The following CYBRD1 variants were observed in gnomAD, a reference collection of about 807,000 sequenced individuals.
CYBRD1 encodes the protein cytochrome b reductase 1.
A neutral mutation model predicts 21.9 loss-of-function variants in CYBRD1; 14 were observed. The ratio of observed to expected loss-of-function variants is 0.64; its 90% CI spans 0.42 to 1.00. CYBRD1 has a LOEUF of 1.00. Ranked by LOEUF, CYBRD1 falls within the 50% of genes least tolerant of loss-of-function variation. CYBRD1 has a pLI of 0.00. For synonymous variants in CYBRD1, 146 were observed against 136.5 expected (o/e 1.07, Z -0.48); for missense variants, 328 against 352.5 (o/e 0.93, Z 0.56).
chr2:171,526,431 C>A (rs891137307), intron 1 of CYBRD1, among the ~76,000 whole-genome samples: 3 of 151,298 alleles, frequency 2.0e-5, no homozygotes, highest in African/African-American at 4.9e-5. Flanking sequence ...CCCTCTCTCT[C>A]CCCTCCTTTC....
intron 2 of CYBRD1, among the ~76,000 whole-genome samples, chr2:171,542,822 A>G (rs2105340302): frequency 1.3e-5 from 2 of 152,312 alleles, no homozygotes; most frequent in East Asian, 3.9e-4. Flanking sequence ...CAGAGGTTAC[A>G]GTAAGCTGAG....
chr2:171,525,449 A>G (rs1426712325), intron 1 of CYBRD1, among the ~76,000 whole-genome samples: 2 of 152,128 alleles, frequency 1.3e-5, no homozygotes, highest in African/African-American at 2.4e-5. Context: ...ACCCATCCAC[A>G]TTCCTCACCC....
At position 171,527,919 on chromosome 2, in the gene CYBRD1, G is replaced by A. The variant is rs944997897; in HGVS notation, c.193+5181G>A. Among the ~76,000 whole-genome samples, 9 of 151,922 alleles carry A rather than the reference G, an allele frequency of 5.9e-5. No homozygotes were observed. The South Asian group carries it at 6.3e-4, about 11-fold the overall frequency. On this transcript the variant is annotated intron_variant, in intron 1 of 3. Transcript: ENST00000321348. Reference sequence around the variant, plus strand: ...TTTCTTCCTGTTCTTTCTCGAGCCGGTTCCAATTAGGTTTTCATCTCCTGC... The same window carrying A: ...TTTCTTCCTGTTCTTTCTCGAGCCGATTCCAATTAGGTTTTCATCTCCTGC...
At chr2:171,546,958 G>A (rs1404064519) in intron 2 of CYBRD1, among the ~76,000 whole-genome samples, 3 of 152,176 alleles carry the variant, frequency 2.0e-5, no homozygotes, top group Non-Finnish European at 4.4e-5. Context: ...AGGTGTTTAT[G>A]GAGTTAAGAT....
At chr2:171,547,114 C>G (rs915199358) in intron 2 of CYBRD1, among the ~76,000 whole-genome samples, 3 of 152,048 alleles carry the variant, frequency 2.0e-5, no homozygotes, top group Admixed American at 2.0e-4. Flanking sequence ...TGGGTAGCCA[C>G]AAGTTTGAAT....
intron 2 of CYBRD1, chr2:171,550,962 C>A: frequency 4.9e-6 from 1 of 204,474 alleles, no homozygotes; most frequent in East Asian, 9.3e-5. Context: ...CCTTTCTTTT[C>A]TTTTTTCTTT....
chr2:171,541,584 G>T lies in CYBRD1; in HGVS notation c.194-1G>T. 14 of 1,613,608 alleles carry T rather than the reference G, an allele frequency of 8.7e-6. No homozygotes were observed. The highest frequency in any genetic ancestry group is 1.2e-5 in the Non-Finnish European group (14 of 1,179,756). On this transcript the variant is annotated splice_acceptor_variant, in intron 1 of 3. Transcript: ENST00000321348. LOFTEE classifies it high-confidence loss of function. ...TTCTGTGTCCTTTCGTCTTTCCCTA[G>T]CCATCATCGTCTACAGACTGCCGTG...
chr2:171,543,442 T>A (rs1697666034), intron 2 of CYBRD1, among the ~76,000 whole-genome samples: 2 of 152,166 alleles, frequency 1.3e-5, no homozygotes, highest in Non-Finnish European at 2.9e-5. Context: ...TCCATCTCGC[T>A]GGCTTGGAAA....
intron 1 of CYBRD1, among the ~76,000 whole-genome samples, chr2:171,538,223 A>T (rs765984104): frequency 6.6e-6 from 1 of 152,198 alleles, no homozygotes; most frequent in East Asian, 1.9e-4. Context: ...AGATCGCACC[A>T]TTGCACTCCA....
chr2:171,553,004 A>G (rs1167711883), intron 2 of CYBRD1, among the ~76,000 whole-genome samples: 1 of 152,344 alleles, frequency 6.6e-6, no homozygotes, highest in East Asian at 1.9e-4. Flanking sequence ...TCCATAGAGA[A>G]CTGTATAAAT....
chr2:171,535,267 C>T (rs1306037084), intron 1 of CYBRD1, among the ~76,000 whole-genome samples: 1 of 152,168 alleles, frequency 6.6e-6, no homozygotes, highest in African/African-American at 2.4e-5. Context: ...TCTCCTGCTT[C>T]AGAAACCCCT....
intron 1 of CYBRD1, among the ~76,000 whole-genome samples, chr2:171,535,408 C>A (rs13024499): frequency 6.6e-6 from 1 of 151,992 alleles, no homozygotes; most frequent in African/African-American, 2.4e-5. Context: ...AGCCAATTTG[C>A]GTAAATGTAA....
upstream of CYBRD1, chr2:171,522,361 G>T: frequency 1.3e-6 from 2 of 1,503,782 alleles, no homozygotes; most frequent in Non-Finnish European, 1.8e-6. The surrounding 1 kb of genome is among the most constrained non-coding windows in gnomAD (Gnocchi z 4.3). Flanking sequence ...TTTCTGAGTT[G>T]GGGCCAGCTC....
rs1366191844 is a variant in CYBRD1 at position 171,541,613 on chromosome 2, C to T, written c.222C>T (p.Thr74=). The part of the protein sequence containing the change: ...IAIIVYRLPW[T]WKCSKLLMKS... The stretch of plus-strand genomic sequence containing the variant: ...TCATCGTCTACAGACTGCCGTGGAC[C>T]TGGAAATGCAGCAAGCTCCTGATGA... Residue 74 remains threonine, a synonymous_variant, in exon 2 of 4, where the codon ACC becomes ACT. Coordinates refer to ENST00000321348, the MANE Select transcript of CYBRD1 (RefSeq NM_024843.4). The T allele has an allele frequency of 1.9e-6, 3 of 1,613,806 alleles. No individual in the cohort carries two copies. The highest frequency in any genetic ancestry group is 2.5e-6 in the Non-Finnish European group (3 of 1,179,972).
chr2:171,546,802 G>A (rs1697722934), intron 2 of CYBRD1, among the ~76,000 whole-genome samples: 1 of 152,152 alleles, frequency 6.6e-6, no homozygotes, highest in Admixed American at 6.5e-5. Context: ...TGTAGAAAGG[G>A]CGGAGAGTCT....
chr2:171,538,047 T>C (rs1697570690), intron 1 of CYBRD1, among the ~76,000 whole-genome samples: 1 of 152,104 alleles, frequency 6.6e-6, no homozygotes, highest in African/African-American at 2.4e-5. Context: ...GAGGCCAGGG[T>C]GGGCGGATCA....
chr2:171,529,911 T>C (rs533186217), intron 1 of CYBRD1, among the ~76,000 whole-genome samples: 2 of 152,342 alleles, frequency 1.3e-5, no homozygotes, highest in South Asian at 4.1e-4. Context: ...TCCATGAATG[T>C]GACCTTACTT....
At chr2:171,554,399 A>C in intron 3 of CYBRD1, 125 bp from the exon 4 acceptor site, 1 of 845,830 alleles carries the variant, frequency 1.2e-6, no homozygotes, top group South Asian at 1.8e-5. Flanking sequence ...TTTCTCCTTA[A>C]TAGCAAGCTT....
rs930594093 is a variant in CYBRD1, at chr2:171,557,301, A to T, written c.*2474A>T. ...GCCCATAAATAATAGGGGAGAAGAA[A>T]GCCTTAGGTATCAATTCCAAAACAG... On this transcript the variant is annotated 3_prime_UTR_variant, in exon 4 of 4. Coordinates refer to ENST00000321348, the MANE Select transcript of CYBRD1 (RefSeq NM_024843.4). 2.0e-5 allele frequency: 3 copies of T among 152,178 alleles called. No homozygotes were observed. The highest frequency in any genetic ancestry group is 4.4e-5 in the Non-Finnish European group (3 of 68,034). The allele number at this position is 152,178 out of a possible 1,614,324, so 9.4% of individuals were successfully genotyped here. A position where few individuals can be genotyped will look rare whatever the true frequency, so the allele number is the denominator to read the frequency against.
Sources: gnomAD v4.1 joint callset for allele counts (sites outside exome capture counted in the v4.1 genomes callset) on GRCh38, gnomAD v4.1.1 for gene constraint, Gnocchi (gnomAD v3.1) non-coding constraint, MANE v1.5 for transcripts, NCBI Gene and HGNC (gene_info 2026-07-23, HGNC 2026-07-21) for gene names.